The following TFPI variants were observed in gnomAD, a reference collection of about 807,000 sequenced individuals.
TFPI encodes the protein anti-convertin.
TFPI carries 15 observed loss-of-function variants against 34.6 expected under a neutral mutation model. The observed-to-expected ratio is 0.43, with a 90% confidence interval of 0.29 to 0.67. The LOEUF is 0.67. Ranked by LOEUF, TFPI falls within the 30% of genes least tolerant of loss-of-function variation. TFPI has a pLI of 0.15. For missense variants in TFPI, 301 were observed against 364.0 expected (o/e 0.83, Z 1.41); for synonymous variants, 105 against 120.1 (o/e 0.87, Z 0.82).
chr2:187,476,155 A>G (rs1415131891), intron 6 of TFPI, among the ~76,000 whole-genome samples: 1 of 152,154 alleles, frequency 6.6e-6, no homozygotes, highest in Non-Finnish European at 1.5e-5. Context: ...CCAGTCTTGC[A>G]TCCATGTGAT....
At position 187,465,496 on chromosome 2, in the gene TFPI, A is replaced by C. The variant is rs1691673266; in HGVS notation, c.*1440T>G. 1 of 149,406 alleles carries C rather than the reference A, an allele frequency of 6.7e-6. No homozygotes were observed. The highest frequency in any genetic ancestry group is 2.5e-5 in the African/African-American group (1 of 40,126). 9.3% of individuals were successfully genotyped at this position (149,406 alleles called of 1,614,324 possible). A position where few individuals can be genotyped will look rare whatever the true frequency, so the allele number is the denominator to read the frequency against. ...CATAACAAAACAAAACAAAATGAAA[A>C]AAAAAAAAAAACAAGAAAAAAGAAA... On this transcript the variant is annotated 3_prime_UTR_variant, in exon 8 of 8. Coordinates refer to ENST00000233156, the MANE Select transcript of TFPI (RefSeq NM_006287.6).
intron 6 of TFPI, among the ~76,000 whole-genome samples, chr2:187,476,396 G>A (rs1195819610): frequency 6.6e-6 from 1 of 152,124 alleles, no homozygotes; most frequent in Non-Finnish European, 1.5e-5. Flanking sequence ...CTGGAGTGCA[G>A]TGGCACAATT....
intron 3 of TFPI, 51 bp from the exon 4 acceptor site, chr2:187,488,426 TAC>T: frequency 5.0e-6 from 6 of 1,208,362 alleles, no homozygotes; most frequent in Non-Finnish European, 6.8e-6. Context: ...TATAAAGTAA[TAC>T]TATGAATTTG....
chr2:187,473,132 ATAAT>A lies in TFPI; in HGVS notation c.629-5204_629-5201del, dbSNP rs8176567. On this transcript the variant is annotated intron_variant, in intron 6 of 7. Transcript: ENST00000233156. ...TGCATGTTAGAATCAAGAAAATATA[ATAAT>A]TTATATTTTGTACCAACACACAATA... Among the ~76,000 whole-genome samples, 250 of 151,950 alleles carry A rather than the reference ATAAT, an allele frequency of 1.6e-3. 1 individual carries two copies. Among genetic ancestry groups the A allele is most frequent in the Non-Finnish European group, 2.7e-3 (187 of 68,030 alleles).
rs1689200065 is a variant in TFPI at position 187,554,430 on chromosome 2, C to T, written c.-233G>A. ...ACTATTATCCAGCCTAAAGTCGCTG[C>T]TGTCTGTTAGAGCAAAGAGGGAGCC... On this transcript the variant is annotated 5_prime_UTR_variant, in exon 1 of 8. Transcript: ENST00000233156. The T allele has an allele frequency of 6.6e-6, 1 of 152,190 alleles. No individual in the cohort carries two copies. Among genetic ancestry groups the T allele is most frequent in the African/African-American group, 2.4e-5 (1 of 41,450 alleles). The allele number at this position is 152,190 out of a possible 1,614,324, so 9.4% of individuals were successfully genotyped here.
At chr2:187,527,241 T>C (rs1687726419) in intron 1 of TFPI, 1 of 152,184 alleles carries the variant, frequency 6.6e-6, no homozygotes, top group Non-Finnish European at 1.5e-5. Context: ...AAGTTTACTT[T>C]TTGCAAGTAG....
chr2:187,495,630 G>A (rs1228466150), intron 3 of TFPI, among the ~76,000 whole-genome samples: 2 of 152,152 alleles, frequency 1.3e-5, no homozygotes, highest in African/African-American at 2.4e-5. Context: ...ACAGAGGAGA[G>A]AAGTTCACTC....
chr2:187,512,738 A>C (rs1686730715), intron 1 of TFPI, among the ~76,000 whole-genome samples: 1 of 152,080 alleles, frequency 6.6e-6, no homozygotes, highest in East Asian at 1.9e-4. Flanking sequence ...TTTGGAAAAG[A>C]ATGGTTATCA....
At position 187,470,565 on chromosome 2, in the gene TFPI, C is replaced by A. The variant is rs8176579; in HGVS notation, c.629-2633G>T. Among the ~76,000 whole-genome samples the A allele has an allele frequency of 1.9e-3, 287 of 152,278 alleles. 3 individuals are homozygous for A. Among genetic ancestry groups the A allele is most frequent in the African/African-American group, 6.6e-3 (276 of 41,560 alleles). On this transcript the variant is annotated intron_variant, in intron 6 of 7. Coordinates refer to ENST00000233156, the MANE Select transcript of TFPI (RefSeq NM_006287.6). Reference sequence around the variant, plus strand: ...ATTGAAGCTGAAACCATGGAAGATACACCACAGATGTGGTGGAGAGACATA... The same window carrying A: ...ATTGAAGCTGAAACCATGGAAGATAAACCACAGATGTGGTGGAGAGACATA...
intron 3 of TFPI, among the ~76,000 whole-genome samples, chr2:187,489,256 C>T (rs1451267861): frequency 1.3e-5 from 2 of 151,392 alleles, no homozygotes; most frequent in African/African-American, 4.8e-5. Context: ...GCAACTGCAT[C>T]ATCCTTTTTT....
intron 1 of TFPI, among the ~76,000 whole-genome samples, chr2:187,512,853 A>T (rs534142930): frequency 6.6e-6 from 1 of 152,284 alleles, no homozygotes; most frequent in African/African-American, 2.4e-5. Flanking sequence ...TGGTTGTTTA[A>T]AGAAAGAAAT....
chr2:187,540,182 C>T (rs998637657), intron 1 of TFPI, among the ~76,000 whole-genome samples: 5 of 152,132 alleles, frequency 3.3e-5, no homozygotes, highest in Non-Finnish European at 7.4e-5. Context: ...GGATTACAGG[C>T]GTGAGTCACC....
intron 1 of TFPI, chr2:187,517,965 C>T (rs1465295720): frequency 6.6e-6 from 1 of 151,494 alleles, no homozygotes; most frequent in Admixed American, 6.6e-5. Flanking sequence ...AATGCAACCC[C>T]TGCTTTGTTT....
chr2:187,527,346 ATT>A (rs1687731315), intron 1 of TFPI: 1 of 152,204 alleles, frequency 6.6e-6, no homozygotes, highest in Non-Finnish European at 1.5e-5. Flanking sequence ...TTCCAACTGT[ATT>A]TCCCCAATGG....
At chr2:187,553,566 T>G (rs990610511) in intron 1 of TFPI, among the ~76,000 whole-genome samples, 1 of 152,196 alleles carries the variant, frequency 6.6e-6, no homozygotes, top group Non-Finnish European at 1.5e-5. Flanking sequence ...GTAGGCATGT[T>G]ATCTATTGTT....
intron 6 of TFPI, among the ~76,000 whole-genome samples, chr2:187,470,800 C>CA (rs1366626141): frequency 6.6e-6 from 1 of 152,184 alleles, no homozygotes; most frequent in Non-Finnish European, 1.5e-5. Flanking sequence ...TACTGACACT[C>CA]TTTATGACTT....
chr2:187,478,761 T>G, intron 6 of TFPI: 1 of 1,613,806 alleles, frequency 6.2e-7, no homozygotes, highest in Non-Finnish European at 8.5e-7. Flanking sequence ...TTGGTAAATA[T>G]GAGCCGCATT....
At chr2:187,545,230 G>T (rs1330468230) in intron 1 of TFPI, among the ~76,000 whole-genome samples, 1 of 152,148 alleles carries the variant, frequency 6.6e-6, no homozygotes, top group Non-Finnish European at 1.5e-5. Flanking sequence ...TCACTGTATA[G>T]AATTAATATT....
At chr2:187,469,906 C>G (rs923630847) in intron 6 of TFPI, among the ~76,000 whole-genome samples, 3 of 152,032 alleles carry the variant, frequency 2.0e-5, no homozygotes, top group Admixed American at 2.0e-4. Context: ...CACACTTTTC[C>G]AATGTGTGGG....
Sources: allele counts gnomAD v4.1 joint callset (sites outside exome capture counted in the v4.1 genomes callset), GRCh38; gene constraint gnomAD v4.1.1; transcripts MANE v1.5; gene names NCBI Gene and HGNC (gene_info 2026-07-23, HGNC 2026-07-21).